SLMAP: variants seen among roughly 807,000 people sequenced by gnomAD.
The protein encoded by SLMAP is sarcolemma associated protein, also known as sarcolemmal membrane-associated protein.
A neutral mutation model predicts 128.8 loss-of-function variants in SLMAP; 44 were observed. That is an observed-to-expected ratio of 0.34 (90% CI 0.27 to 0.44). The LOEUF (loss-of-function observed/expected upper bound fraction) is 0.44. SLMAP is among the 20% of genes least tolerant of loss of function. SLMAP has a pLI of 1.00. For synonymous variants in SLMAP, 327 were observed against 348.8 expected (o/e 0.94, Z 0.70); for missense variants, 787 against 985.3 (o/e 0.80, Z 2.69).
intron 14 of SLMAP, among the ~76,000 whole-genome samples, chr3:57,878,208 A>C (rs547826264): frequency 6.6e-6 from 1 of 152,264 alleles, no homozygotes; most frequent in South Asian, 2.1e-4. Context: ...AACATCTTCT[A>C]TAGCAAGAGT....
chr3:57,855,588 G>A (rs545389014), intron 6 of SLMAP, among the ~76,000 whole-genome samples: 4 of 150,728 alleles, frequency 2.7e-5, no homozygotes, highest in Admixed American at 1.3e-4. Flanking sequence ...TATTTAAAAA[G>A]TTTTTGGGGC....
intron 2 of SLMAP, among the ~76,000 whole-genome samples, chr3:57,827,306 C>T (rs2092992428): frequency 6.6e-6 from 1 of 152,146 alleles, no homozygotes; most frequent in South Asian, 2.1e-4. Flanking sequence ...CAGATTGTAG[C>T]AAAGTTGAAA....
chr3:57,814,657 G>C (rs1010216801), intron 2 of SLMAP, among the ~76,000 whole-genome samples: 4 of 152,102 alleles, frequency 2.6e-5, no homozygotes, highest in Non-Finnish European at 4.4e-5. Flanking sequence ...CATGAGAGCT[G>C]ACTAGTAATT....
chr3:57,776,220 A>T (rs2081904898), intron 2 of SLMAP, among the ~76,000 whole-genome samples: 2 of 152,162 alleles, frequency 1.3e-5, no homozygotes, highest in South Asian at 4.1e-4. Flanking sequence ...TTAGTTATTA[A>T]GTGCTGTAGG....
intron 17 of SLMAP, among the ~76,000 whole-genome samples, chr3:57,903,306 C>T (rs145912664): frequency 3.5e-4 from 54 of 152,308 alleles, no homozygotes; most frequent in African/African-American, 1.3e-3. Flanking sequence ...AGGTTGTTCT[C>T]ATCAACCAAG....
intron 2 of SLMAP, among the ~76,000 whole-genome samples, chr3:57,825,820 G>C (rs988150695): frequency 5.3e-5 from 8 of 152,158 alleles, no homozygotes; most frequent in African/African-American, 1.9e-4. Context: ...ATTTTGTGCT[G>C]GAGAGGGGGA....
At chr3:57,857,225 C>T (rs550618043) in intron 6 of SLMAP, among the ~76,000 whole-genome samples, 1 of 152,210 alleles carries the variant, frequency 6.6e-6, no homozygotes, top group South Asian at 2.1e-4. Context: ...GTACTTTCAG[C>T]CCAACAAATG....
intron 2 of SLMAP, among the ~76,000 whole-genome samples, chr3:57,797,478 C>T (rs1175069544): frequency 6.7e-6 from 1 of 149,270 alleles, no homozygotes; most frequent in Non-Finnish European, 1.5e-5. Context: ...GAATGAAACT[C>T]CATCTCAAAA....
At chr3:57,917,686 G>A (rs268766) in intron 22 of SLMAP, 93,700 of 153,244 alleles carry the variant, frequency 0.61, 29,297 homozygotes, top group East Asian at 0.97. Context: ...ACCCTACCCA[G>A]TTTCTTCCTG....
At chr3:57,927,140 C>G (rs78682085) in intron 24 of SLMAP, among the ~76,000 whole-genome samples, 156 bp from the exon 25 acceptor site, 1 of 144,922 alleles carries the variant, frequency 6.9e-6, no homozygotes, top group African/African-American at 2.5e-5. Context: ...CACTCCCTCA[C>G]TTTTTTTTTT....
At chr3:57,815,463 A>C (rs968065588) in intron 2 of SLMAP, among the ~76,000 whole-genome samples, 3 of 152,218 alleles carry the variant, frequency 2.0e-5, no homozygotes, top group Non-Finnish European at 2.9e-5. Flanking sequence ...ATCACACATG[A>C]ATATTACTGT....
chr3:57,830,332 G>C (rs74950830), intron 2 of SLMAP, among the ~76,000 whole-genome samples: 1 of 152,204 alleles, frequency 6.6e-6, no homozygotes, highest in African/African-American at 2.4e-5. Context: ...CTTTATCATA[G>C]CTTTAATGTT....
chr3:57,874,976 T>G (rs1221942130), intron 14 of SLMAP, among the ~76,000 whole-genome samples: 2 of 152,154 alleles, frequency 1.3e-5, no homozygotes, highest in Non-Finnish European at 2.9e-5. Flanking sequence ...TTGCTTTAAA[T>G]ATACAAAAGG....
intron 14 of SLMAP, among the ~76,000 whole-genome samples, chr3:57,879,560 T>C (rs2095678824): frequency 1.3e-5 from 2 of 152,226 alleles, no homozygotes; most frequent in East Asian, 3.8e-4. Context: ...TCCATTTATA[T>C]AAAGTTCAAA....
At chr3:57,858,877 G>A (rs2094912926) in intron 8 of SLMAP, among the ~76,000 whole-genome samples, 1 of 152,174 alleles carries the variant, frequency 6.6e-6, no homozygotes, top group Non-Finnish European at 1.5e-5. Context: ...AGGAGGCAGA[G>A]GTTGCAGTGA....
intron 14 of SLMAP, among the ~76,000 whole-genome samples, chr3:57,886,707 T>C (rs1457089185): frequency 6.7e-6 from 1 of 150,046 alleles, no homozygotes; most frequent in Non-Finnish European, 1.5e-5. Context: ...AATTTACCAA[T>C]TAAGTAGAAT....
intron 2 of SLMAP, among the ~76,000 whole-genome samples, chr3:57,812,599 A>G (rs1262927230): frequency 6.6e-6 from 1 of 152,172 alleles, no homozygotes; most frequent in Non-Finnish European, 1.5e-5. Flanking sequence ...TAATTTTGCA[A>G]AAAACATCAC....
intron 14 of SLMAP, among the ~76,000 whole-genome samples, chr3:57,875,272 T>C (rs542894377): frequency 1.9e-4 from 29 of 152,140 alleles, no homozygotes; most frequent in African/African-American, 6.5e-4. Flanking sequence ...ACCTGTAATC[T>C]CAGCACTTCA....
chr3:57,805,260 AT>A (rs2089571950), intron 2 of SLMAP, among the ~76,000 whole-genome samples: 1 of 152,048 alleles, frequency 6.6e-6, no homozygotes, highest in Non-Finnish European at 1.5e-5. Context: ...GGATCATCTT[AT>A]ATATTAGAAT....
Sources: gnomAD v4.1 joint callset for allele counts (sites outside exome capture counted in the v4.1 genomes callset) on GRCh38, gnomAD v4.1.1 for gene constraint, MANE v1.5 for transcripts, NCBI Gene and HGNC (gene_info 2026-07-23, HGNC 2026-07-21) for gene names.